The following SYTL2 variants were observed in gnomAD, a reference collection of about 807,000 sequenced individuals.
SYTL2 encodes the protein synaptotagmin like 2.
A neutral mutation model predicts 198.7 loss-of-function variants in SYTL2; 165 were observed. The observed-to-expected ratio is 0.83, with a 90% CI of 0.73 to 0.94. SYTL2 has a LOEUF of 0.94. SYTL2 is among the 40% of genes least tolerant of loss of function. SYTL2 has a pLI of 0.00. For synonymous variants in SYTL2, 966 were observed against 917.7 expected (o/e 1.05, Z -0.95); for missense variants, 2,835 against 2,582.8 (o/e 1.10, Z -2.12).
At chr11:85,752,894 C>G (rs907232765) in intron 2 of SYTL2, among the ~76,000 whole-genome samples, 1 of 122,546 alleles carries the variant, frequency 8.2e-6, no homozygotes, top group Non-Finnish European at 1.6e-5. Context: ...GGAAATTAGT[C>G]CTTCAATGAC....
At chr11:85,754,695 G>C (rs1358599306) in intron 2 of SYTL2, among the ~76,000 whole-genome samples, 1 of 152,096 alleles carries the variant, frequency 6.6e-6, no homozygotes, top group Non-Finnish European at 1.5e-5. Flanking sequence ...GTAGTATTAT[G>C]ATCATGCCCA....
chr11:85,848,025 G>A, the SYTL2 span, among the ~76,000 whole-genome samples: 1 of 152,020 alleles, frequency 6.6e-6, no homozygotes. Flanking sequence ...TTGGGTGTTT[G>A]AGACCAGCCT....
chr11:85,783,330 C>A (rs1405070818), intron 1 of SYTL2, among the ~76,000 whole-genome samples: 1 of 152,118 alleles, frequency 6.6e-6, no homozygotes, highest in Non-Finnish European at 1.5e-5. Context: ...AGAATAGCAG[C>A]ATAGAGGTAA....
chr11:85,742,467 C>T (rs914029041), intron 4 of SYTL2, among the ~76,000 whole-genome samples: 3 of 152,150 alleles, frequency 2.0e-5, no homozygotes, highest in African/African-American at 7.2e-5. Flanking sequence ...TGTACATATT[C>T]AAGAGTTATT....
At position 85,734,491 on chromosome 11, in the gene SYTL2, A is replaced by T; in HGVS notation, c.838T>A (p.Ser280Thr). The T allele has an allele frequency of 1.9e-6, 3 of 1,614,184 alleles. No individual in the cohort carries two copies. The highest frequency in any genetic ancestry group is 2.5e-6 in the Non-Finnish European group (3 of 1,180,010). ...AGGGTTTCTGAGTCTGTGCTACTGG[A>T]ACTGGAGTTGCGCTTGAGGATCCCT... Reference protein sequence around the residue: ...PRGILKRNSSSSSTDSETLRY... With the variant: ...PRGILKRNSSTSSTDSETLRY... The change falls in exon 7 of 20, where the codon TCC becomes ACC. Residue 280 changes from serine to threonine, a missense_variant. By Grantham distance (58) the Ser-to-Thr change is moderately conservative. Transcript: ENST00000359152.
At chr11:85,792,161 C>T (rs966911206) in intron 1 of SYTL2, among the ~76,000 whole-genome samples, 1 of 152,008 alleles carries the variant, frequency 6.6e-6, no homozygotes, top group African/African-American at 2.4e-5. Flanking sequence ...GGAGGTCAGA[C>T]TTTGAATCAC....
At chr11:85,758,980 C>T (rs2092000432) in intron 1 of SYTL2, among the ~76,000 whole-genome samples, 1 of 152,176 alleles carries the variant, frequency 6.6e-6, no homozygotes, top group South Asian at 2.1e-4. Context: ...TGCAGTGGTT[C>T]ATGCCTGTAA....
At chr11:85,768,014 C>T (rs1287475547) in intron 1 of SYTL2, among the ~76,000 whole-genome samples, 2 of 152,292 alleles carry the variant, frequency 1.3e-5, no homozygotes, top group East Asian at 1.9e-4. Context: ...AAGAGCAAGA[C>T]ACCCAGGGCA....
the SYTL2 span, among the ~76,000 whole-genome samples, chr11:85,847,667 T>C: frequency 6.6e-6 from 1 of 152,182 alleles, no homozygotes; most frequent in African/African-American, 2.4e-5. Context: ...GCCATTCCAG[T>C]AGGTGTGTAG....
chr11:85,820,838 AC>A, the SYTL2 span, among the ~76,000 whole-genome samples: 4 of 152,242 alleles, frequency 2.6e-5, no homozygotes, highest in Non-Finnish European at 4.4e-5. Flanking sequence ...TGGGCACTTT[AC>A]TAAATGCATG....
intron 3 of SYTL2, among the ~76,000 whole-genome samples, chr11:85,746,925 C>A (rs1485848158): frequency 6.6e-6 from 1 of 152,162 alleles, no homozygotes; most frequent in Non-Finnish European, 1.5e-5. Context: ...GCTTCATATG[C>A]CCCATGTATA....
the SYTL2 span, among the ~76,000 whole-genome samples, chr11:85,845,108 T>C: frequency 6.6e-6 from 1 of 152,242 alleles, no homozygotes; most frequent in African/African-American, 2.4e-5. Flanking sequence ...AGTTTTAATT[T>C]AGATCTCAAT....
In SYTL2 at chr11:85,726,427, A is replaced by C. The variant is rs769337661; in HGVS notation, c.2931T>G (p.Tyr977Ter). The C allele has an allele frequency of 6.2e-7, 1 of 1,613,520 alleles. No homozygotes were observed. Among genetic ancestry groups the C allele is most frequent in the Admixed American group, 1.7e-5 (1 of 59,940 alleles). The change falls in exon 8 of 20, where the codon TAT becomes TAG. Residue 977 changes from tyrosine (Y) to a stop codon, truncating the protein, a stop_gained. Coordinates refer to ENST00000359152, the MANE Select transcript of SYTL2 (RefSeq NM_206927.4). LOFTEE classifies it high-confidence loss of function. Reference sequence around the variant, plus strand: ...TCAAATTCTCAAACTGAGAGGGATTATAGACCTGTTCTGCATTGGGTTCAT... The same window carrying C: ...TCAAATTCTCAAACTGAGAGGGATTCTAGACCTGTTCTGCATTGGGTTCAT... The part of the protein sequence containing the change: ...RMDEPNAEQV[Y>*]NPSQFENLRK...
Position 85,767,481 on chromosome 11 carries a change from T to C in SYTL2, c.-389-9367A>G, listed in dbSNP as rs1015978993. ...GGGAGTGGAAGAACAAGCTGATTTA[T>C]TAACTAGGCTGGAATTAAACTCAGG... On this transcript the variant is annotated intron_variant, in intron 1 of 19. Transcript: ENST00000359152. 3.0e-4 allele frequency among the ~76,000 whole-genome samples: 45 copies of C among 152,336 alleles called. 1 individual carries two copies. Among genetic ancestry groups the C allele is most frequent in the South Asian group, 2.1e-4 (1 of 4,828 alleles).
At chr11:85,763,312 T>C (rs2153563528) in intron 1 of SYTL2, among the ~76,000 whole-genome samples, 1 of 152,314 alleles carries the variant, frequency 6.6e-6, no homozygotes, top group Middle Eastern at 3.4e-3. Context: ...TTTCCATGTG[T>C]CAGCCCTACC....
intron 1 of SYTL2, among the ~76,000 whole-genome samples, chr11:85,800,452 A>ATT (rs34340895): frequency 6.0e-5 from 9 of 151,012 alleles, no homozygotes; most frequent in South Asian, 2.1e-4. Context: ...ATTTTTTTCT[A>ATT]TTTTTCTGTA....
intron 13 of SYTL2, among the ~76,000 whole-genome samples, chr11:85,710,382 GT>G (rs978126051): frequency 7.0e-4 from 106 of 152,200 alleles, no homozygotes; most frequent in African/African-American, 2.5e-3. Flanking sequence ...ATTTAAATAG[GT>G]TTTTAAAAAA....
At chr11:85,843,070 G>A in the SYTL2 span, among the ~76,000 whole-genome samples, 2 of 152,162 alleles carry the variant, frequency 1.3e-5, no homozygotes, top group South Asian at 4.2e-4. Flanking sequence ...TGGAGGTGAG[G>A]AAAATTAAAG....
At chr11:85,851,628 C>T in the SYTL2 span, among the ~76,000 whole-genome samples, 605 of 152,300 alleles carry the variant, frequency 4.0e-3, 2 homozygotes, top group Non-Finnish European at 6.5e-3. Context: ...TCACACTGAC[C>T]ACCAACTGGT....
Sources: allele counts gnomAD v4.1 joint callset (sites outside exome capture counted in the v4.1 genomes callset), GRCh38; gene constraint gnomAD v4.1.1; transcripts MANE v1.5; gene names NCBI Gene and HGNC (gene_info 2026-07-23, HGNC 2026-07-21).